CSMD1: variants seen among roughly 807,000 people sequenced by gnomAD.
CSMD1 encodes CUB and sushi domain-containing protein 1.
CSMD1 carries 213 observed loss-of-function variants against 417.5 expected under a neutral mutation model. The ratio of observed to expected loss-of-function variants is 0.51; its 90% CI spans 0.46 to 0.57. CSMD1 has a LOEUF of 0.57. CSMD1 is among the 20% of genes least tolerant of loss of function. CSMD1 has a pLI of 0.00. For missense variants in CSMD1, 6,923 were observed against 4,529.7 expected (o/e 1.53, Z -15.17); for synonymous variants, 2,862 against 1,736.8 (o/e 1.65, Z -16.11).
chr8:4,596,240 G>T (rs948955089), intron 2 of CSMD1, among the ~76,000 whole-genome samples: 1 of 152,140 alleles, frequency 6.6e-6, no homozygotes, highest in Non-Finnish European at 1.5e-5. Flanking sequence ...AAAATCATAG[G>T]ACAGTATATT....
intron 5 of CSMD1, among the ~76,000 whole-genome samples, chr8:3,863,881 C>T (rs747307103): frequency 2.5e-4 from 38 of 151,918 alleles, no homozygotes; most frequent in Non-Finnish European, 4.6e-4. Context: ...TTCAAAGATT[C>T]GTATGATGAC....
rs528583011 is a variant in CSMD1, at chr8:4,945,051, G to A, written c.85+49281C>T. Reference sequence around the variant, plus strand: ...TAAGCAAAAGGTGGTCTCTTCACACGAAAATTATTTATCCTAAAAAGGAAG... The same window carrying A: ...TAAGCAAAAGGTGGTCTCTTCACACAAAAATTATTTATCCTAAAAAGGAAG... On this transcript the variant is annotated intron_variant, in intron 1 of 69. Transcript: ENST00000635120. 2.6e-4 allele frequency among the ~76,000 whole-genome samples: 39 copies of A among 152,192 alleles called. 1 individual carries two copies. The highest frequency in any genetic ancestry group is 1.9e-4 in the East Asian group (1 of 5,172).
chr8:2,961,761 A>G (rs1433678539), intron 61 of CSMD1, among the ~76,000 whole-genome samples: 1 of 152,244 alleles, frequency 6.6e-6, no homozygotes, highest in Non-Finnish European at 1.5e-5. Flanking sequence ...GCTGCTCTAC[A>G]GTTACCAGTA....
intron 1 of CSMD1, among the ~76,000 whole-genome samples, chr8:4,918,993 A>G (rs1218871014): frequency 6.6e-6 from 1 of 152,224 alleles, no homozygotes; most frequent in Non-Finnish European, 1.5e-5. Context: ...TTGGGCACCT[A>G]AAATACATGT....
chr8:4,852,509 C>A (rs930250843), intron 1 of CSMD1, among the ~76,000 whole-genome samples: 4 of 152,122 alleles, frequency 2.6e-5, no homozygotes, highest in Non-Finnish European at 4.4e-5. Context: ...CCAATTAAAC[C>A]TCTTTCATTT....
intron 5 of CSMD1, among the ~76,000 whole-genome samples, chr8:3,826,997 G>C (rs1368051230): frequency 6.6e-6 from 1 of 152,004 alleles, no homozygotes; most frequent in African/African-American, 2.4e-5. Flanking sequence ...GCCCAAGCTG[G>C]TCTTGAACTC....
At chr8:3,285,447 C>T (rs929933659) in intron 25 of CSMD1, among the ~76,000 whole-genome samples, 5 of 150,638 alleles carry the variant, frequency 3.3e-5, no homozygotes, top group South Asian at 4.2e-4. Flanking sequence ...AGTGCAGTGT[C>T]ATGATCTTGG....
At chr8:4,489,777 A>G (rs148613901) in intron 2 of CSMD1, among the ~76,000 whole-genome samples, 24 of 152,334 alleles carry the variant, frequency 1.6e-4, no homozygotes, top group African/African-American at 5.8e-4. Flanking sequence ...CATGAAAAGC[A>G]GATCCTTCTT....
chr8:3,107,811 T>C lies in CSMD1; in HGVS notation c.6755-13A>G, dbSNP rs1322271252. 2 of 1,531,276 alleles carry C rather than the reference T, an allele frequency of 1.3e-6. No homozygotes were observed. The highest frequency in any genetic ancestry group is 1.8e-6 in the Non-Finnish European group (2 of 1,126,024). 94.9% of individuals were successfully genotyped at this position (1,531,276 alleles called of 1,614,324 possible). A position where few individuals can be genotyped will look rare whatever the true frequency, so the allele number is the denominator to read the frequency against. On this transcript the variant is annotated splice_polypyrimidine_tract_variant and intron_variant, in intron 44 of 69. Coordinates refer to ENST00000635120, the MANE Select transcript of CSMD1 (RefSeq NM_033225.6). ...TTGAGCTGAAATGCTAAATGATTAA[T>C]GGAAAGAATAATAATAATTGCAATT...
chr8:3,728,612 C>G (rs73658224), intron 6 of CSMD1, among the ~76,000 whole-genome samples: 2,994 of 152,294 alleles, frequency 0.02, 92 homozygotes, highest in African/African-American at 0.069. Flanking sequence ...AAAAGGGCAT[C>G]TGTGGTAGAG....
At chr8:4,975,596 C>T (rs1185873120) in intron 1 of CSMD1, among the ~76,000 whole-genome samples, 1 of 152,166 alleles carries the variant, frequency 6.6e-6, no homozygotes, top group Non-Finnish European at 1.5e-5. Flanking sequence ...CTAGAAACCC[C>T]ATCCTGTAGG....
chr8:3,393,545 T>C (rs1198909305), intron 17 of CSMD1, among the ~76,000 whole-genome samples: 2 of 152,182 alleles, frequency 1.3e-5, no homozygotes. Context: ...TGTCTGTTCA[T>C]ATCCTTCACC....
At chr8:4,939,814 A>G (rs1807865007) in intron 1 of CSMD1, among the ~76,000 whole-genome samples, 1 of 152,216 alleles carries the variant, frequency 6.6e-6, no homozygotes, top group Non-Finnish European at 1.5e-5. Context: ...TCTCATCACA[A>G]AAAAGAATTC....
At chr8:3,083,846 G>C (rs1022761546) in intron 49 of CSMD1, among the ~76,000 whole-genome samples, 2 of 151,058 alleles carry the variant, frequency 1.3e-5, no homozygotes, top group African/African-American at 2.4e-5. Flanking sequence ...TTCCTGTAGA[G>C]ACAGGGTTTC....
intron 6 of CSMD1, among the ~76,000 whole-genome samples, chr8:3,727,707 C>A (rs1338635501): frequency 6.6e-6 from 1 of 152,090 alleles, no homozygotes; most frequent in Non-Finnish European, 1.5e-5. Context: ...CAAGGAGGGG[C>A]AGAAAGACTG....
Position 3,284,094 on chromosome 8 carries a change from T to C in CSMD1, c.4153+50A>G, listed in dbSNP as rs144821836. ...ATAAATGGAGGGAGATCTGTGTTCA[T>C]GACAAGACTTTGATATCAAGGTAAA... On this transcript the variant is annotated intron_variant, in intron 26 of 69. Coordinates refer to ENST00000635120, the MANE Select transcript of CSMD1 (RefSeq NM_033225.6). 533 of 1,374,046 alleles carry C rather than the reference T, an allele frequency of 3.9e-4. 4 individuals are homozygous for C. The African/African-American group carries it at 6.9e-3, about 18-fold the overall frequency. The allele number at this position is 1,374,046 out of a possible 1,614,324, so 85.1% of individuals were successfully genotyped here.
At chr8:4,330,122 C>T (rs920925621) in intron 3 of CSMD1, among the ~76,000 whole-genome samples, 5 of 151,872 alleles carry the variant, frequency 3.3e-5, no homozygotes, top group Non-Finnish European at 7.4e-5. Context: ...CATTTGACTA[C>T]ATTTAAGACT....
chr8:3,467,653 G>A (rs1438402781), intron 12 of CSMD1, among the ~76,000 whole-genome samples: 1 of 152,012 alleles, frequency 6.6e-6, no homozygotes, highest in Non-Finnish European at 1.5e-5. Context: ...TCCGGGGTGG[G>A]CCCACACACC....
At chr8:3,731,494 T>G (rs10503215) in intron 6 of CSMD1, among the ~76,000 whole-genome samples, 1 of 152,104 alleles carries the variant, frequency 6.6e-6, no homozygotes, top group Admixed American at 6.5e-5. Context: ...CAGCCACTGT[T>G]GGACAATTCA....
Sources: allele counts gnomAD v4.1 joint callset (sites outside exome capture counted in the v4.1 genomes callset), GRCh38; gene constraint gnomAD v4.1.1; transcripts MANE v1.5; gene names NCBI Gene and HGNC (gene_info 2026-07-23, HGNC 2026-07-21).